NOSTRIN: variants seen among roughly 807,000 people sequenced by gnomAD.
NOSTRIN encodes the protein BM247 homolog.
NOSTRIN carries 63 observed loss-of-function variants against 59.0 expected under a neutral mutation model. The ratio of observed to expected loss-of-function variants is 1.07; its 90% CI spans 0.87 to 1.32. NOSTRIN has a LOEUF of 1.32. Among genes scored for constraint, NOSTRIN ranks in the 40% most tolerant of loss-of-function variants. NOSTRIN has a pLI of 0.00. For missense variants in NOSTRIN, 512 were observed against 473.1 expected (o/e 1.08, Z -0.76); for synonymous variants, 200 against 165.4 (o/e 1.21, Z -1.61).
intron 8 of NOSTRIN, among the ~76,000 whole-genome samples, chr2:168,846,524 A>G (rs505283): frequency 0.49 from 74,445 of 151,956 alleles, 18,917 homozygotes; most frequent in East Asian, 0.68. Context: ...AATGAAACCA[A>G]TTCCACAAAC....
At chr2:168,796,182 G>A (rs1685473074), upstream of NOSTRIN, among the ~76,000 whole-genome samples, 1 of 152,248 alleles carries the variant, frequency 6.6e-6, no homozygotes, top group African/African-American at 2.4e-5. Context: ...TGCATGCAGT[G>A]ACAACAGGGA....
At chr2:168,834,497 GCGCGCGCGCGCA>G (rs1004896293) in intron 7 of NOSTRIN, among the ~76,000 whole-genome samples, 172 bp downstream of exon 7, 2 of 18,306 alleles carry the variant, frequency 1.1e-4, no homozygotes, top group Non-Finnish European at 2.3e-4. Flanking sequence ...GCGTGCGCGC[GCGCGCGCGCGCA>G]CACACACACA....
At chr2:168,863,481 T>C (rs894670490) in intron 15 of NOSTRIN, 3 of 985,278 alleles carry the variant, frequency 3.0e-6, no homozygotes, top group African/African-American at 1.7e-5. Context: ...CAGATGATCC[T>C]GAAGGGGGCA....
rs1281548385 is a variant in NOSTRIN at position 168,865,163 on chromosome 2, G to C, written c.*193G>C. 7 of 617,246 alleles carry C rather than the reference G, an allele frequency of 1.1e-5. No homozygotes were observed. The highest frequency in any genetic ancestry group is 1.9e-5 in the Non-Finnish European group (7 of 367,662). 38.2% of individuals were successfully genotyped at this position (617,246 alleles called of 1,614,324 possible). On this transcript the variant is annotated 3_prime_UTR_variant, in exon 16 of 16. Transcript: ENST00000317647. ...GAAAAAAGATGGATGGGTGGAGACA[G>C]ACAAGGAAGAGGCTCCTTGGTTCCT...
At chr2:168,802,583 C>T (rs73969958), upstream of NOSTRIN, 3 of 851,010 alleles carry the variant, frequency 3.5e-6, no homozygotes, top group Non-Finnish European at 6.1e-6. Flanking sequence ...CACACCCAAC[C>T]TTGATTACAG....
chr2:168,831,336 G>C, intron 5 of NOSTRIN, 136 bp from the exon 6 acceptor site: 1 of 600,172 alleles, frequency 1.7e-6, no homozygotes, highest in Non-Finnish European at 3.1e-6. Context: ...ATTTCTCAGA[G>C]CCTCCACCTC....
Position 168,863,706 on chromosome 2 carries a change from A to G in NOSTRIN, c.1385-1128A>G, listed in dbSNP as rs1172826149. The G allele has an allele frequency of 7.5e-6, 7 of 930,340 alleles. No homozygotes were observed. In the African/African-American group the frequency reaches 1.1e-4, roughly 14 times the overall value. 57.6% of individuals were successfully genotyped at this position (930,340 alleles called of 1,614,324 possible). On this transcript the variant is annotated intron_variant, in intron 15 of 15. Transcript: ENST00000317647. ...AAACTTTTGGCCTGTGAAATCAGGG[A>G]TAATGCAGAGACATTGTCTTGATCT...
chr2:168,826,218 A>G (rs914118509), intron 3 of NOSTRIN, among the ~76,000 whole-genome samples: 6 of 23,096 alleles, frequency 2.6e-4, no homozygotes, highest in African/African-American at 8.3e-4. Context: ...CTCCTAAGGA[A>G]TGAGGGGTGT....
intron 12 of NOSTRIN, 195 bp from the exon 13 acceptor site, chr2:168,859,317 T>A: frequency 1.4e-6 from 1 of 710,552 alleles, no homozygotes; most frequent in Non-Finnish European, 2.2e-6. Flanking sequence ...ACTCAACAAC[T>A]AAAACCTCCC....
chr2:168,861,955 T>C lies in NOSTRIN; in HGVS notation c.1295-5T>C. Reference sequence around the variant, plus strand: ...GCATACTAATTACAGCTTTATCTATTTCAGCCCCTGGTGCAGCCCAGCTCA... The same window carrying C: ...GCATACTAATTACAGCTTTATCTATCTCAGCCCCTGGTGCAGCCCAGCTCA... On this transcript the variant is annotated splice_polypyrimidine_tract_variant and splice_region_variant and intron_variant, in intron 14 of 15. Transcript: ENST00000317647. 1.2e-6 allele frequency: 2 copies of C among 1,614,030 alleles called. No individual in the cohort carries two copies. The highest frequency in any genetic ancestry group is 1.6e-4 in the Middle Eastern group (1 of 6,062).
intron 13 of NOSTRIN, 133 bp from the exon 14 acceptor site, chr2:168,860,662 C>T: frequency 3.3e-6 from 2 of 598,138 alleles, no homozygotes; most frequent in South Asian, 2.2e-5. Flanking sequence ...CAGGGCAAGA[C>T]TCTGTCTAAA....
At chr2:168,802,832 A>G (rs571165301) in intron 1 of NOSTRIN, among the ~76,000 whole-genome samples, 159 bp downstream of exon 1, 1 of 152,360 alleles carries the variant, frequency 6.6e-6, no homozygotes, top group East Asian at 1.9e-4. Flanking sequence ...TCTTTGGTTC[A>G]GTTTAAAAAC....
chr2:168,850,536 A>G (rs965016629), intron 8 of NOSTRIN, among the ~76,000 whole-genome samples: 4 of 152,072 alleles, frequency 2.6e-5, no homozygotes, highest in African/African-American at 7.2e-5. Flanking sequence ...GGGTGTCTCA[A>G]TGCATTTCCA....
At chr2:168,819,589 A>G (rs1052892620) in intron 2 of NOSTRIN, among the ~76,000 whole-genome samples, 4 of 152,198 alleles carry the variant, frequency 2.6e-5, no homozygotes, top group Non-Finnish European at 2.9e-5. Flanking sequence ...GAAAGAGTGC[A>G]CAGTGACACT....
At chr2:168,828,745 C>A (rs888720652) in intron 5 of NOSTRIN, among the ~76,000 whole-genome samples, 1 of 151,964 alleles carries the variant, frequency 6.6e-6, no homozygotes, top group African/African-American at 2.4e-5. Flanking sequence ...CTGAAGCATT[C>A]AAAATAAATT....
chr2:168,833,965 T>C (rs914265654), intron 6 of NOSTRIN, among the ~76,000 whole-genome samples: 1 of 152,186 alleles, frequency 6.6e-6, no homozygotes, highest in African/African-American at 2.4e-5. Flanking sequence ...CAAAATCCTC[T>C]TGAGGGTACC....
At chr2:168,821,487 C>T (rs1222873767) in intron 2 of NOSTRIN, among the ~76,000 whole-genome samples, 2 of 152,228 alleles carry the variant, frequency 1.3e-5, no homozygotes, top group African/African-American at 2.4e-5. Context: ...GTGCCAAGCA[C>T]TCTTCTAGGC....
Position 168,834,312 on chromosome 2 carries a change from A to C in NOSTRIN, c.491A>C (p.Lys164Thr). ...AGCTCCAAGCAATCTATGACTGAGA[A>C]GGAGAAGCGGAAGGTAAGCTGTCAT... ...VESSKQSMTE[K>T]EKRKLLNKLT... The change falls in exon 7 of 16, where the codon AAG becomes ACG. Residue 164 changes from lysine to threonine, a missense_variant. Coordinates refer to ENST00000317647, the MANE Select transcript of NOSTRIN (RefSeq NM_001039724.4). 1 of 872,820 alleles carries C rather than the reference A, an allele frequency of 1.1e-6. No individual in the cohort carries two copies. The highest frequency in any genetic ancestry group is 1.7e-5 in the Admixed American group (1 of 59,192). 54.1% of individuals were successfully genotyped at this position (872,820 alleles called of 1,614,324 possible).
chr2:168,852,307 T>C (rs901806717), intron 10 of NOSTRIN, among the ~76,000 whole-genome samples: 1 of 152,126 alleles, frequency 6.6e-6, no homozygotes, highest in Admixed American at 6.5e-5. Flanking sequence ...TTGAGGGTAC[T>C]TGAGTGATTC....
Sources: allele counts gnomAD v4.1 joint callset (sites outside exome capture counted in the v4.1 genomes callset), GRCh38; gene constraint gnomAD v4.1.1; transcripts MANE v1.5; gene names NCBI Gene and HGNC (gene_info 2026-07-23, HGNC 2026-07-21).